STK24: variants seen among roughly 807,000 people sequenced by gnomAD.
STK24 encodes the protein serine/threonine kinase 24.
Under a neutral mutation model 55.6 loss-of-function variants are expected in STK24, and 21 were observed. The ratio of observed to expected loss-of-function variants is 0.38; its 90% confidence interval spans 0.27 to 0.54. The LOEUF (loss-of-function observed/expected upper bound fraction) is 0.54. Among genes scored for constraint, STK24 ranks in the 20% least tolerant of loss-of-function variants. The pLI is 0.79. For synonymous variants in STK24, 200 were observed against 215.2 expected, an observed-to-expected ratio of 0.93 and a Z score of 0.62; for missense variants, 383 against 538.4, an observed-to-expected ratio of 0.71 and a Z score of 2.86.
intron 2 of STK24, among the ~76,000 whole-genome samples, chr13:98,500,315 C>T (rs545895409): frequency 6.6e-6 from 1 of 152,306 alleles, no homozygotes; most frequent in African/African-American, 2.4e-5. Context: ...TTCTTCACCA[C>T]GTTTCCTAAG....
At chr13:98,481,478 C>T (rs960201980) in intron 3 of STK24, among the ~76,000 whole-genome samples, 1 of 152,222 alleles carries the variant, frequency 6.6e-6, no homozygotes, top group African/African-American at 2.4e-5. Context: ...TCCCCTTAGG[C>T]ATGACCACTG....
At chr13:98,490,279 C>T (rs1403480036) in intron 2 of STK24, among the ~76,000 whole-genome samples, 1 of 152,116 alleles carries the variant, frequency 6.6e-6, no homozygotes, top group South Asian at 2.1e-4. Context: ...TCTGCAGGCC[C>T]CAAATGCTGA....
intron 3 of STK24, among the ~76,000 whole-genome samples, chr13:98,481,824 G>GA (rs1198574391): frequency 1.3e-5 from 2 of 152,124 alleles, no homozygotes; most frequent in African/African-American, 4.8e-5. Context: ...TGAGAGCGGG[G>GA]ATCACTCGAG....
chr13:98,517,808 A>G (rs546698083), intron 2 of STK24, among the ~76,000 whole-genome samples: 8 of 152,264 alleles, frequency 5.3e-5, no homozygotes, highest in African/African-American at 1.7e-4. Context: ...TTTGACCTCA[A>G]TGGATACCTT....
chr13:98,514,150 T>C (rs1810722038), intron 2 of STK24, among the ~76,000 whole-genome samples: 1 of 152,218 alleles, frequency 6.6e-6, no homozygotes, highest in Admixed American at 6.5e-5. Context: ...TATTTTCTAT[T>C]GTCCAAACTA....
intron 9 of STK24, among the ~76,000 whole-genome samples, chr13:98,458,705 G>T (rs1055799797): frequency 6.6e-6 from 1 of 152,168 alleles, no homozygotes; most frequent in Non-Finnish European, 1.5e-5. Flanking sequence ...CGGCAGAAGG[G>T]CCGCCCTGGG....
rs902916955 is a variant in STK24 at position 98,576,764 on chromosome 13, G to A, written c.23C>T (p.Ser8Leu). The A allele has an allele frequency of 1.4e-6, 2 of 1,453,012 alleles. No individual in the cohort carries two copies. The highest frequency in any genetic ancestry group is 1.8e-6 in the Non-Finnish European group (2 of 1,106,192). The allele number at this position is 1,453,012 out of a possible 1,614,324, so 90.0% of individuals were successfully genotyped here. The change falls in exon 1 of 11, where the codon TCG becomes TTG. Residue 8 changes from serine to leucine, a missense_variant. Ser to Leu is a moderately radical substitution (Grantham distance 145). Transcript: ENST00000539966. MAHSPVQSGLPGMQNLKA... is the reference protein window; with the variant it reads MAHSPVQLGLPGMQNLKA... ...GCCTACCTGCATGCCGGGCAGGCCCGACTGCACCGGGGAGTGAGCCATGGC... is the reference window on the plus strand; with the variant it reads ...GCCTACCTGCATGCCGGGCAGGCCCAACTGCACCGGGGAGTGAGCCATGGC...
chr13:98,469,093 T>A (rs35368417), intron 5 of STK24, among the ~76,000 whole-genome samples: 1 of 152,022 alleles, frequency 6.6e-6, no homozygotes, highest in Non-Finnish European at 1.5e-5. Context: ...CAGGGACAGA[T>A]AATAAGCAGG....
chr13:98,531,494 C>A (rs562464559), intron 1 of STK24, among the ~76,000 whole-genome samples: 11 of 152,302 alleles, frequency 7.2e-5, no homozygotes, highest in African/African-American at 2.4e-4. Flanking sequence ...TTTCCACTAT[C>A]AGGACAGCAT....
chr13:98,494,617 A>G (rs1382469603), intron 2 of STK24, among the ~76,000 whole-genome samples: 1 of 152,050 alleles, frequency 6.6e-6, no homozygotes, highest in Non-Finnish European at 1.5e-5. Context: ...TCAACGCTTG[A>G]TTGTCCTGAG....
intron 1 of STK24, among the ~76,000 whole-genome samples, chr13:98,569,413 C>CAAAAAAAAAA (rs11316359): frequency 7.9e-6 from 1 of 127,140 alleles, no homozygotes; most frequent in Non-Finnish European, 1.7e-5. Flanking sequence ...ACAGCAGAGA[C>CAAAAAAAAAA]AAAAAAAAAA....
intron 1 of STK24, among the ~76,000 whole-genome samples, chr13:98,566,794 C>T (rs2139459934): frequency 6.6e-6 from 1 of 152,310 alleles, no homozygotes; most frequent in Non-Finnish European, 1.5e-5. Context: ...CTTTGTGCTA[C>T]CAGCTTTTTC....
Position 98,448,057 on chromosome 13 carries a change from G to C in STK24, c.*5116C>G. 1.6e-6 allele frequency: 1 copy of C among 626,696 alleles called. No homozygotes were observed. The highest frequency in any genetic ancestry group is 2.9e-6 in the Non-Finnish European group (1 of 345,142). 38.8% of individuals were successfully genotyped at this position (626,696 alleles called of 1,614,324 possible). On this transcript the variant is annotated 3_prime_UTR_variant, in exon 11 of 11. Transcript: ENST00000539966. ...CACTGAGTGAGTGCCCAGGCCAGTG[G>C]GTCTCCACTGTACCTCAGGAACGCC...
At chr13:98,511,677 G>A (rs1432262298) in intron 2 of STK24, among the ~76,000 whole-genome samples, 1 of 152,086 alleles carries the variant, frequency 6.6e-6, no homozygotes, top group African/African-American at 2.4e-5. Context: ...ACTGAAAAAC[G>A]CCACTAACAA....
At chr13:98,557,717 T>C (rs1008483488) in intron 1 of STK24, among the ~76,000 whole-genome samples, 1 of 152,240 alleles carries the variant, frequency 6.6e-6, no homozygotes, top group African/African-American at 2.4e-5. Context: ...CATGGTCCCA[T>C]GGGTGATAAT....
At chr13:98,471,316 T>C (rs1433012805) in intron 5 of STK24, among the ~76,000 whole-genome samples, 1 of 152,210 alleles carries the variant, frequency 6.6e-6, no homozygotes, top group Non-Finnish European at 1.5e-5. Flanking sequence ...AGTTTCCACT[T>C]TTCACCATGG....
chr13:98,550,449 C>T (rs755645708), intron 1 of STK24, among the ~76,000 whole-genome samples: 18 of 152,078 alleles, frequency 1.2e-4, no homozygotes, highest in Non-Finnish European at 2.1e-4. Context: ...GGATCGCCTG[C>T]GCCTGGGAGG....
chr13:98,554,977 T>C (rs2139441071), intron 1 of STK24, among the ~76,000 whole-genome samples: 1 of 132,714 alleles, frequency 7.5e-6, no homozygotes, highest in Middle Eastern at 5.2e-3. Flanking sequence ...ATAGTGCTAC[T>C]GCACTCCAGC....
In STK24 at chr13:98,446,050, C is replaced by T; in HGVS notation, c.*7123G>A. On this transcript the variant is annotated 3_prime_UTR_variant, in exon 11 of 11. Coordinates refer to ENST00000539966, the MANE Select transcript of STK24 (RefSeq NM_001032296.4). Reference sequence around the variant, plus strand: ...AGGGAGAGCTGCTCTCTGTGCCCTCCTGGGGCAGGTGCCCGCTGTGCTTCT... The same window carrying T: ...AGGGAGAGCTGCTCTCTGTGCCCTCTTGGGGCAGGTGCCCGCTGTGCTTCT... The T allele has an allele frequency of 7.6e-7, 1 of 1,323,762 alleles. No homozygotes were observed. Among genetic ancestry groups the T allele is most frequent in the East Asian group, 2.3e-5 (1 of 43,458 alleles). The allele number at this position is 1,323,762 out of a possible 1,614,324, so 82.0% of individuals were successfully genotyped here.
Sources: gnomAD v4.1 joint callset for allele counts (sites outside exome capture counted in the v4.1 genomes callset) on GRCh38, gnomAD v4.1.1 for gene constraint, MANE v1.5 for transcripts, NCBI Gene and HGNC (gene_info 2026-07-23, HGNC 2026-07-21) for gene names.